EXOC6B: variants seen among roughly 807,000 people sequenced by gnomAD.
The protein encoded by EXOC6B is exocyst complex component 6B, also known as SEC15 homolog B.
EXOC6B carries 54 observed loss-of-function variants against 113.5 expected under a neutral mutation model. The ratio of observed to expected loss-of-function variants is 0.48; its 90% CI spans 0.38 to 0.60. EXOC6B has a LOEUF of 0.60. EXOC6B is among the 20% of genes least tolerant of loss of function. The probability of loss-of-function intolerance (pLI) is 0.00; values close to 1 mark genes in which losing one functional copy is unlikely to be tolerated. For missense variants in EXOC6B, 797 were observed against 977.5 expected (o/e 0.82, Z 2.46); for synonymous variants, 357 against 339.0 (o/e 1.05, Z -0.58).
chr2:72,562,420 C>T (rs1480872487), intron 7 of EXOC6B, among the ~76,000 whole-genome samples: 1 of 152,100 alleles, frequency 6.6e-6, no homozygotes, highest in Admixed American at 6.6e-5. Flanking sequence ...TATATTCATA[C>T]TTCTTCCTTT....
chr2:72,625,645 G>T (rs1474177254), intron 6 of EXOC6B, among the ~76,000 whole-genome samples: 2 of 152,144 alleles, frequency 1.3e-5, no homozygotes, highest in Non-Finnish European at 2.9e-5. Context: ...AAAGGCTCCA[G>T]GCCATACCAA....
chr2:72,417,700 T>A (rs912638098), intron 18 of EXOC6B, among the ~76,000 whole-genome samples: 2 of 152,208 alleles, frequency 1.3e-5, no homozygotes, highest in Non-Finnish European at 2.9e-5. Context: ...AAAATGTATA[T>A]GTTTAGTCTT....
At chr2:72,738,772 T>C (rs1681120805) in intron 2 of EXOC6B, among the ~76,000 whole-genome samples, 1 of 152,044 alleles carries the variant, frequency 6.6e-6, no homozygotes, top group Admixed American at 6.5e-5. Context: ...GGACAGGAGT[T>C]CAAGACCAGC....
intron 6 of EXOC6B, among the ~76,000 whole-genome samples, chr2:72,621,646 T>C (rs867102672): frequency 6.6e-5 from 10 of 152,114 alleles, no homozygotes; most frequent in African/African-American, 2.4e-4. Flanking sequence ...AAAGGAAATA[T>C]ATATATTTTT....
intron 6 of EXOC6B, among the ~76,000 whole-genome samples, chr2:72,636,852 T>C (rs1246751779): frequency 1.3e-5 from 2 of 150,528 alleles, no homozygotes; most frequent in Non-Finnish European, 3.0e-5. Flanking sequence ...AGCACACATA[T>C]CAGAAAAGAA....
intron 18 of EXOC6B, among the ~76,000 whole-genome samples, chr2:72,434,381 C>G (rs1487614573): frequency 1.3e-5 from 2 of 152,232 alleles, no homozygotes; most frequent in Non-Finnish European, 1.5e-5. Context: ...TTTATTGTGT[C>G]TCTACCAGGT....
chr2:72,609,989 C>T (rs554176616), intron 6 of EXOC6B, among the ~76,000 whole-genome samples: 1 of 152,056 alleles, frequency 6.6e-6, no homozygotes, highest in South Asian at 2.1e-4. Flanking sequence ...AAAAAATTAA[C>T]AGAATCTTGA....
chr2:72,543,281 CAA>C (rs1702716753), intron 8 of EXOC6B, among the ~76,000 whole-genome samples: 1 of 152,030 alleles, frequency 6.6e-6, no homozygotes, highest in Non-Finnish European at 1.5e-5. Flanking sequence ...AAATGGGAAA[CAA>C]ATATTTTAAG....
chr2:72,194,597 C>CTCTCTGTG (rs747161190), intron 20 of EXOC6B, among the ~76,000 whole-genome samples: 3 of 147,300 alleles, frequency 2.0e-5, no homozygotes, highest in African/African-American at 7.4e-5. Context: ...CTCTCTCTCT[C>CTCTCTGTG]TGTGTGTGTG....
intron 18 of EXOC6B, among the ~76,000 whole-genome samples, chr2:72,457,765 A>C (rs2105383426): frequency 6.6e-6 from 1 of 152,150 alleles, no homozygotes; most frequent in Middle Eastern, 3.4e-3. Context: ...AGATTTAAAA[A>C]CCCTAAATGT....
rs746349167 is a variant in EXOC6B at position 72,480,579 on chromosome 2, C to T, written c.1800+37G>A. The T allele has an allele frequency of 7.8e-6, 12 of 1,544,172 alleles. 1 individual carries two copies. In the East Asian group the frequency reaches 1.2e-4, roughly 15 times the overall value. Reference sequence around the variant, plus strand: ...GGTAGAACGTCCCAGACTGTGTACACCAGAAGCAGTTCCACAGTACTGTAG... The same window carrying T: ...GGTAGAACGTCCCAGACTGTGTACATCAGAAGCAGTTCCACAGTACTGTAG... On this transcript the variant is annotated intron_variant, in intron 17 of 21. Coordinates refer to ENST00000272427, the MANE Select transcript of EXOC6B (RefSeq NM_015189.3).
At chr2:72,209,441 G>C (rs542499517) in intron 20 of EXOC6B, among the ~76,000 whole-genome samples, 1 of 152,100 alleles carries the variant, frequency 6.6e-6, no homozygotes, top group South Asian at 2.1e-4. Context: ...TCGAGCCCGG[G>C]AAGCAGAGAT....
intron 6 of EXOC6B, among the ~76,000 whole-genome samples, chr2:72,694,928 T>C (rs1558925129): frequency 1.3e-5 from 2 of 152,186 alleles, no homozygotes; most frequent in Admixed American, 6.5e-5. Context: ...TAACACATGC[T>C]TTGAAATATG....
chr2:72,762,641 T>C (rs1382973706), intron 1 of EXOC6B, among the ~76,000 whole-genome samples: 1 of 152,036 alleles, frequency 6.6e-6, no homozygotes, highest in Non-Finnish European at 1.5e-5. Context: ...ACCCGCACTA[T>C]AAAAACTGTT....
At chr2:72,304,776 C>T (rs759818359) in intron 20 of EXOC6B, among the ~76,000 whole-genome samples, 1 of 152,128 alleles carries the variant, frequency 6.6e-6, no homozygotes, top group Non-Finnish European at 1.5e-5. Context: ...ATCTCCTTTA[C>T]AAAAATGCAA....
chr2:72,491,250 C>T (rs1048945250), intron 16 of EXOC6B, among the ~76,000 whole-genome samples: 3 of 152,058 alleles, frequency 2.0e-5, no homozygotes, highest in Admixed American at 2.0e-4. Context: ...GAAAAGTTTG[C>T]TATAAGTAGA....
intron 1 of EXOC6B, among the ~76,000 whole-genome samples, chr2:72,821,372 A>G (rs980541905): frequency 2.6e-5 from 4 of 152,146 alleles, no homozygotes; most frequent in Non-Finnish European, 5.9e-5. Context: ...TTGCTACAGG[A>G]ATGTAAAATG....
At chr2:72,804,752 CG>C (rs1156871373) in intron 1 of EXOC6B, among the ~76,000 whole-genome samples, 6 of 151,980 alleles carry the variant, frequency 3.9e-5, no homozygotes, top group African/African-American at 1.4e-4. Context: ...CGCACCACCA[CG>C]CCCAGCTAAT....
intron 17 of EXOC6B, among the ~76,000 whole-genome samples, chr2:72,472,011 T>C (rs777752120): frequency 1.3e-5 from 2 of 152,224 alleles, no homozygotes; most frequent in Non-Finnish European, 2.9e-5. Flanking sequence ...TCTGTTGATG[T>C]GAAGTTTCAC....
Sources: gnomAD v4.1 joint callset for allele counts (sites outside exome capture counted in the v4.1 genomes callset) on GRCh38, gnomAD v4.1.1 for gene constraint, MANE v1.5 for transcripts, NCBI Gene and HGNC (gene_info 2026-07-23, HGNC 2026-07-21) for gene names.